The following SLC1A2 variants were observed in gnomAD, a reference collection of about 807,000 sequenced individuals.
SLC1A2 encodes solute carrier family 1 member 2, also known as excitatory amino acid transporter 2.
A neutral mutation model predicts 48.8 loss-of-function variants in SLC1A2; 15 were observed. The ratio of observed to expected loss-of-function variants is 0.31; its 90% CI spans 0.21 to 0.47. The LOEUF (loss-of-function observed/expected upper bound fraction) is 0.47. SLC1A2 is among the 20% of genes least tolerant of loss of function. The pLI, the probability that SLC1A2 is intolerant of heterozygous loss-of-function variation, is 0.99. For synonymous variants in SLC1A2, 279 were observed against 272.6 expected (o/e 1.02, Z -0.23); for missense variants, 502 against 730.5 (o/e 0.69, Z 3.61).
At chr11:35,413,598 A>G (rs540602986) in intron 1 of SLC1A2, 1 of 152,346 alleles carries the variant, frequency 6.6e-6, no homozygotes, top group South Asian at 2.1e-4. Flanking sequence ...AAAAGTAAGT[A>G]TAGGTGAACA....
intron 1 of SLC1A2, among the ~76,000 whole-genome samples, chr11:35,375,844 A>T (rs1000108232): frequency 1.3e-5 from 2 of 152,190 alleles, no homozygotes; most frequent in Non-Finnish European, 2.9e-5. Context: ...CTTCTACTTG[A>T]TCTTCACCGT....
chr11:35,283,530 T>G (rs1475781515), intron 8 of SLC1A2, among the ~76,000 whole-genome samples: 2 of 152,152 alleles, frequency 1.3e-5, no homozygotes, highest in Non-Finnish European at 2.9e-5. Flanking sequence ...TCAGTTAATA[T>G]AAAACAAACC....
chr11:35,413,499 A>T (rs1412786986), intron 1 of SLC1A2, among the ~76,000 whole-genome samples: 1 of 152,224 alleles, frequency 6.6e-6, no homozygotes, highest in Non-Finnish European at 1.5e-5. Flanking sequence ...TAATCACTCA[A>T]TAAATGGTAC....
intron 5 of SLC1A2, among the ~76,000 whole-genome samples, chr11:35,303,404 A>C (rs1851409849): frequency 6.6e-6 from 1 of 152,220 alleles, no homozygotes; most frequent in African/African-American, 2.4e-5. Context: ...TTCACAAGTA[A>C]GTTATTGGTC....
chr11:35,254,232 T>A lies in SLC1A2; in HGVS notation c.*6662A>T, dbSNP rs528122572. The A allele has an allele frequency of 1.3e-5, 2 of 152,758 alleles. No homozygotes were observed. Among genetic ancestry groups the A allele is most frequent in the Non-Finnish European group, 2.9e-5 (2 of 68,038 alleles). 9.5% of individuals were successfully genotyped at this position (152,758 alleles called of 1,614,324 possible). A position where few individuals can be genotyped will look rare whatever the true frequency, so the allele number is the denominator to read the frequency against. ...AAAATCCTCAAAAAAGTAGTTTTTT[T>A]ATATACAAATCTCTATAGTGACCAG... On this transcript the variant is annotated 3_prime_UTR_variant, in exon 11 of 11. Coordinates refer to ENST00000278379, the MANE Select transcript of SLC1A2 (RefSeq NM_004171.4).
chr11:35,361,858 T>C (rs1014709984), intron 1 of SLC1A2, among the ~76,000 whole-genome samples: 1 of 152,098 alleles, frequency 6.6e-6, no homozygotes, highest in Non-Finnish European at 1.5e-5. Flanking sequence ...CTGCCTGCAG[T>C]CTCAGCTACT....
chr11:35,316,260 C>A (rs951774517), intron 2 of SLC1A2: 2 of 152,192 alleles, frequency 1.3e-5, no homozygotes, highest in African/African-American at 4.8e-5. Flanking sequence ...CTTTCAGAAA[C>A]CACAAGTTGG....
At chr11:35,347,010 G>A (rs1853062037) in intron 1 of SLC1A2, among the ~76,000 whole-genome samples, 1 of 152,202 alleles carries the variant, frequency 6.6e-6, no homozygotes, top group African/African-American at 2.4e-5. Flanking sequence ...GAGGAGTTTA[G>A]ACTTTGGAAA....
At chr11:35,351,857 A>T (rs1320043357) in intron 1 of SLC1A2, among the ~76,000 whole-genome samples, 1 of 152,028 alleles carries the variant, frequency 6.6e-6, no homozygotes, top group African/African-American at 2.4e-5. Flanking sequence ...GCTGGTCTCA[A>T]ACTCCTGACA....
intron 6 of SLC1A2, chr11:35,297,897 C>G (rs765460563): frequency 3.3e-5 from 5 of 152,170 alleles, no homozygotes; most frequent in Non-Finnish European, 5.9e-5. Context: ...CTCACAGCAA[C>G]CTATGGCCTG....
At chr11:35,376,849 C>A (rs1311745683) in intron 1 of SLC1A2, among the ~76,000 whole-genome samples, 2 of 152,198 alleles carry the variant, frequency 1.3e-5, no homozygotes, top group South Asian at 2.1e-4. Context: ...GACTCATATC[C>A]TCAATGTCGC....
At chr11:35,378,821 C>A (rs183237925) in intron 1 of SLC1A2, among the ~76,000 whole-genome samples, 16 of 152,264 alleles carry the variant, frequency 1.1e-4, no homozygotes, top group African/African-American at 2.9e-4. Context: ...CAATACCTGG[C>A]CAGATTGGCA....
intron 1 of SLC1A2, among the ~76,000 whole-genome samples, chr11:35,342,997 C>G (rs1852898928): frequency 1.3e-5 from 2 of 152,188 alleles, no homozygotes; most frequent in South Asian, 4.1e-4. Flanking sequence ...GAATGGAACA[C>G]TAATGGTTCT....
chr11:35,289,197 C>T (rs1850917193), intron 7 of SLC1A2, among the ~76,000 whole-genome samples: 1 of 152,222 alleles, frequency 6.6e-6, no homozygotes, highest in Non-Finnish European at 1.5e-5. Context: ...ACACCAGCCT[C>T]TGGAACCATT....
chr11:35,308,143 G>A (rs1321050755), intron 4 of SLC1A2, among the ~76,000 whole-genome samples: 1 of 152,178 alleles, frequency 6.6e-6, no homozygotes, highest in Non-Finnish European at 1.5e-5. Context: ...TAAATGAATG[G>A]TGGCTGTCAG....
intron 1 of SLC1A2, among the ~76,000 whole-genome samples, chr11:35,414,536 C>A (rs932530813): frequency 6.6e-6 from 1 of 152,156 alleles, no homozygotes; most frequent in Non-Finnish European, 1.5e-5. Flanking sequence ...GGGTGAGGGG[C>A]GGGCAGAGGG....
chr11:35,254,983 A>T lies in SLC1A2; in HGVS notation c.*5911T>A. ...ATCTCTCACTTTTCTACAGGTTCTT[A>T]TCTGGGTCAATGAAGAAATTGTGTT... On this transcript the variant is annotated 3_prime_UTR_variant, in exon 11 of 11. Coordinates refer to ENST00000278379, the MANE Select transcript of SLC1A2 (RefSeq NM_004171.4). 6.7e-6 allele frequency: 2 copies of T among 299,426 alleles called. No homozygotes were observed. Among genetic ancestry groups the T allele is most frequent in the South Asian group, 5.5e-5 (2 of 36,486 alleles). The allele number at this position is 299,426 out of a possible 1,614,324, so 18.5% of individuals were successfully genotyped here.
chr11:35,399,304 C>T (rs1855067745), intron 1 of SLC1A2, among the ~76,000 whole-genome samples: 1 of 152,114 alleles, frequency 6.6e-6, no homozygotes, highest in Admixed American at 6.5e-5. Context: ...TCCTAAGGCT[C>T]ATGGGACACT....
chr11:35,384,868 A>C (rs545577970), intron 1 of SLC1A2, among the ~76,000 whole-genome samples: 1 of 152,352 alleles, frequency 6.6e-6, no homozygotes, highest in Non-Finnish European at 1.5e-5. Flanking sequence ...TAAGATGCTA[A>C]GGCTGGGAAG....
Sources: allele counts gnomAD v4.1 joint callset (sites outside exome capture counted in the v4.1 genomes callset), GRCh38; gene constraint gnomAD v4.1.1; transcripts MANE v1.5; gene names NCBI Gene and HGNC (gene_info 2026-07-23, HGNC 2026-07-21).